The following IKZF5 variants were observed in gnomAD, a reference collection of about 807,000 sequenced individuals.
The protein encoded by IKZF5 is zinc finger protein Pegasus.
In IKZF5, 4 loss-of-function variants were observed where a neutral mutation model predicts 30.7. That is an observed-to-expected ratio of 0.13 (90% CI 0.06 to 0.30). The LOEUF (loss-of-function observed/expected upper bound fraction) is 0.30. IKZF5 is among the 10% of genes least tolerant of loss of function. IKZF5 has a pLI of 1.00. For missense variants in IKZF5, 348 were observed against 525.5 expected (o/e 0.66, Z 3.30); for synonymous variants, 148 against 179.6 (o/e 0.82, Z 1.41).
rs1417364138 is a variant in IKZF5 at position 122,992,203 on chromosome 10, A to C, written c.*1577T>G. The C allele has an allele frequency of 6.6e-6, 1 of 152,246 alleles. No individual in the cohort carries two copies. Among genetic ancestry groups the C allele is most frequent in the Non-Finnish European group, 1.5e-5 (1 of 68,042 alleles). 9.4% of individuals were successfully genotyped at this position (152,246 alleles called of 1,614,324 possible). On this transcript the variant is annotated 3_prime_UTR_variant, in exon 5 of 5. Transcript: ENST00000368886. Reference sequence around the variant, plus strand: ...TGCAGTAGCTTAGACTGGATGCTAAACTGCAAGAACTCATTACAGTGGCTT... The same window carrying C: ...TGCAGTAGCTTAGACTGGATGCTAACCTGCAAGAACTCATTACAGTGGCTT...
intron 2 of IKZF5, among the ~76,000 whole-genome samples, chr10:123,005,593 C>A (rs1045665748): frequency 1.3e-5 from 2 of 152,144 alleles, no homozygotes; most frequent in Non-Finnish European, 2.9e-5. Flanking sequence ...ATGTTTATGT[C>A]CCCAAAAGCT....
At chr10:122,998,411 G>A in intron 3 of IKZF5, 82 bp downstream of exon 3, 1 of 1,169,732 alleles carries the variant, frequency 8.5e-7, no homozygotes, top group Non-Finnish European at 1.2e-6. Flanking sequence ...TTAATGCGCA[G>A]TGGTCTTCAC....
At chr10:123,003,052 C>T (rs542741429) in intron 2 of IKZF5, among the ~76,000 whole-genome samples, 5 of 146,910 alleles carry the variant, frequency 3.4e-5, no homozygotes, top group Non-Finnish European at 6.0e-5. Context: ...TTTTTTGAGA[C>T]GGAGTTTCGT....
At chr10:123,002,977 T>C (rs1849645649) in intron 2 of IKZF5, among the ~76,000 whole-genome samples, 1 of 151,972 alleles carries the variant, frequency 6.6e-6, no homozygotes, top group Admixed American at 6.6e-5. Context: ...AAAACAAGAT[T>C]ATTTGGAAAA....
Position 122,994,398 on chromosome 10 carries a change from A to G in IKZF5, c.642T>C (p.Asp214=). Residue 214 remains aspartate, a synonymous_variant, in exon 5 of 5, where the codon GAT becomes GAC. Coordinates refer to ENST00000368886, the MANE Select transcript of IKZF5 (RefSeq NM_001372123.1). This position sits in a 1 kb window ranked among gnomAD's most constrained non-coding sequence, Gnocchi z 5.6. ...GGATATTTGGGATTTCGTGGGTAAA[A>G]TCGTTAAGGTAGTCTGGTTTCTGAA... The part of the protein sequence containing the change: ...MVVQKPDYLN[D]FTHEIPNIQT... 1 of 1,614,028 alleles carries G rather than the reference A, an allele frequency of 6.2e-7. No homozygotes were observed. The highest frequency in any genetic ancestry group is 8.5e-7 in the Non-Finnish European group (1 of 1,179,992).
chr10:123,005,837 G>A (rs11595933), intron 2 of IKZF5, among the ~76,000 whole-genome samples: 8,568 of 152,270 alleles, frequency 0.056, 315 homozygotes, highest in Non-Finnish European at 0.088. Context: ...CTCCAGAACT[G>A]TGAGAAATAA....
At position 123,007,111 on chromosome 10, in the gene IKZF5, C is replaced by G. The variant is rs1318138507; in HGVS notation, c.-132G>C. 1 of 152,128 alleles carries G rather than the reference C, an allele frequency of 6.6e-6. No homozygotes were observed. The highest frequency in any genetic ancestry group is 1.5e-5 in the Non-Finnish European group (1 of 68,030). 9.4% of individuals were successfully genotyped at this position (152,128 alleles called of 1,614,324 possible). A position where few individuals can be genotyped will look rare whatever the true frequency, so the allele number is the denominator to read the frequency against. On this transcript the variant is annotated 5_prime_UTR_variant, in exon 2 of 5. Transcript: ENST00000368886. ...GTAATTGAAATTTACTTCGGAGATA[C>G]AGCAAGGGACTCCAAAAGGCCATGG...
Position 122,996,140 on chromosome 10 carries a change from G to T in IKZF5, c.170C>A (p.Pro57Gln). ...TDGDQNGLDH[P>Q]SVEVSLDENS... The stretch of plus-strand genomic sequence containing the variant: ...TTCATCCAAGGAAACTTCAACAGAT[G>T]GGTGATCAAGTCCATTTTGATCACC... Residue 57 changes from proline (P) to glutamine (Q), a missense_variant, in exon 4 of 5, where the codon CCA becomes CAA. By Grantham distance (76) the Pro-to-Gln change is moderately conservative. Coordinates refer to ENST00000368886, the MANE Select transcript of IKZF5 (RefSeq NM_001372123.1). 6.2e-7 allele frequency: 1 copy of T among 1,613,850 alleles called. No individual in the cohort carries two copies. Among genetic ancestry groups the T allele is most frequent in the South Asian group, 1.1e-5 (1 of 91,084 alleles).
At chr10:123,000,889 A>G (rs1407567193) in intron 2 of IKZF5, among the ~76,000 whole-genome samples, 1 of 151,594 alleles carries the variant, frequency 6.6e-6, no homozygotes, top group Admixed American at 6.6e-5. Context: ...CCTTTTGCTT[A>G]TTTTTCTATT....
At chr10:123,007,896 C>G (rs894167203) in intron 1 of IKZF5, among the ~76,000 whole-genome samples, 1 of 152,118 alleles carries the variant, frequency 6.6e-6, no homozygotes, top group Non-Finnish European at 1.5e-5. Flanking sequence ...TCAGATCACA[C>G]AATTTAAGAC....
chr10:122,994,357 T>A lies in IKZF5; in HGVS notation c.683A>T (p.Glu228Val). Residue 228 changes from glutamate (E) to valine (V), a missense_variant, in exon 5 of 5, where the codon GAA (glutamate) becomes GTA (valine). Glu to Val is a moderately radical substitution (Grantham distance 121). Around this residue, in one of 4 missense-constraint regions of IKZF5, gnomAD observed 176 missense variants for 198.2 expected, o/e 0.89. Coordinates refer to ENST00000368886, the MANE Select transcript of IKZF5 (RefSeq NM_001372123.1). This position sits in a 1 kb window ranked among gnomAD's most constrained non-coding sequence, Gnocchi z 5.6. ...AGTTGGTGTGGTTTTTGCCATACTT[T>A]CATAGGAGTCAGTCTGGATATTTGG... is the stretch of plus-strand genomic sequence containing the variant. ...EIPNIQTDSY[E>V]SMAKTTPTGG... 6.2e-7 allele frequency: 1 copy of A among 1,614,080 alleles called. No homozygotes were observed. The highest frequency in any genetic ancestry group is 1.1e-5 in the South Asian group (1 of 91,078).
intron 3 of IKZF5, among the ~76,000 whole-genome samples, chr10:122,996,619 G>A (rs558726569): frequency 3.3e-5 from 5 of 152,216 alleles, no homozygotes; most frequent in Admixed American, 1.3e-4. Context: ...CATGAGAATC[G>A]CTGGAATCCA....
At chr10:123,007,773 G>GTT (rs1849859534) in intron 1 of IKZF5, among the ~76,000 whole-genome samples, 1 of 152,164 alleles carries the variant, frequency 6.6e-6, no homozygotes, top group Non-Finnish European at 1.5e-5. Flanking sequence ...ACCTTTAGCT[G>GTT]TTGTGACAAC....
At chr10:123,001,155 G>A (rs185299855) in intron 2 of IKZF5, among the ~76,000 whole-genome samples, 17 of 151,878 alleles carry the variant, frequency 1.1e-4, no homozygotes, top group African/African-American at 4.8e-5. Flanking sequence ...ACAGGTGTCC[G>A]CCACCACGCC....
In IKZF5 at chr10:122,993,767, T is replaced by C; in HGVS notation, c.*13A>G. Reference sequence around the variant, plus strand: ...AAAAACAGCAAAACTAAGTAAAATATGACTATTTTCAATCAATGTTGGTTA... The same window carrying C: ...AAAAACAGCAAAACTAAGTAAAATACGACTATTTTCAATCAATGTTGGTTA... On this transcript the variant is annotated 3_prime_UTR_variant, in exon 5 of 5. Transcript: ENST00000368886. 1 of 1,536,358 alleles carries C rather than the reference T, an allele frequency of 6.5e-7. No homozygotes were observed. The highest frequency in any genetic ancestry group is 8.8e-7 in the Non-Finnish European group (1 of 1,133,698).
At position 123,008,779 on chromosome 10, in the gene IKZF5, G is replaced by A; in HGVS notation, c.-283C>T. Reference sequence around the variant, plus strand: ...CGTCTTCGTCACCGTCACAGTCGCCGCCGCCATCTTTGTTGTGTCTCCGAC... The same window carrying A: ...CGTCTTCGTCACCGTCACAGTCGCCACCGCCATCTTTGTTGTGTCTCCGAC... On this transcript the variant is annotated 5_prime_UTR_variant, in exon 1 of 5. Coordinates refer to ENST00000368886, the MANE Select transcript of IKZF5 (RefSeq NM_001372123.1). The A allele has an allele frequency of 4.9e-6, 3 of 609,408 alleles. No homozygotes were observed. Among genetic ancestry groups the A allele is most frequent in the South Asian group, 1.9e-5 (1 of 52,498 alleles). The allele number at this position is 609,408 out of a possible 1,614,324, so 37.8% of individuals were successfully genotyped here.
intron 3 of IKZF5, among the ~76,000 whole-genome samples, chr10:122,996,599 G>A (rs1156490727): frequency 1.3e-5 from 2 of 152,114 alleles, no homozygotes; most frequent in African/African-American, 4.8e-5. Context: ...AGCTACTCAG[G>A]AGGCTGAGGC....
At chr10:123,005,922 A>G (rs909831687) in intron 2 of IKZF5, among the ~76,000 whole-genome samples, 1 of 152,206 alleles carries the variant, frequency 6.6e-6, no homozygotes, top group Non-Finnish European at 1.5e-5. Context: ...CATATCAACC[A>G]AAGAGAACAA....
intron 2 of IKZF5, among the ~76,000 whole-genome samples, chr10:123,005,783 C>T (rs1849758116): frequency 6.6e-6 from 1 of 152,194 alleles, no homozygotes; most frequent in African/African-American, 2.4e-5. Context: ...AAGCCCTCCC[C>T]AGATACCTGA....
Sources: gnomAD v4.1 joint callset for allele counts (sites outside exome capture counted in the v4.1 genomes callset) on GRCh38, gnomAD v4.1.1 for gene constraint, gnomAD v4.1.1 regional missense constraint, Gnocchi (gnomAD v3.1) non-coding constraint, MANE v1.5 for transcripts, NCBI Gene and HGNC (gene_info 2026-07-23, HGNC 2026-07-21) for gene names.